The following PRPF18 variants were observed in gnomAD, a reference collection of about 807,000 sequenced individuals.
PRPF18 encodes the protein pre-mRNA processing factor 18.
In PRPF18, 38 loss-of-function variants were observed where a neutral mutation model predicts 46.5. The ratio of observed to expected loss-of-function variants is 0.82; its 90% confidence interval spans 0.63 to 1.07. PRPF18 has a LOEUF of 1.07. Among genes scored for constraint, PRPF18 ranks in the 50% least tolerant of loss-of-function variants. The pLI is 0.00. For synonymous variants in PRPF18, 152 were observed against 146.7 expected (o/e 1.04, Z -0.26); for missense variants, 263 against 410.0 (o/e 0.64, Z 3.10).
chr10:13,629,896 C>G (rs1017854162), intron 9 of PRPF18, among the ~76,000 whole-genome samples: 2 of 152,198 alleles, frequency 1.3e-5, no homozygotes, highest in African/African-American at 2.4e-5. Flanking sequence ...GCTTAATTCT[C>G]TATTGGAACC....
intron 9 of PRPF18, among the ~76,000 whole-genome samples, chr10:13,622,359 G>A (rs1407151157): frequency 6.6e-6 from 1 of 152,222 alleles, no homozygotes; most frequent in Non-Finnish European, 1.5e-5. Flanking sequence ...GGGCCATGCT[G>A]CTTTCTAGCT....
chr10:13,654,509 G>A, the PRPF18 span: 11 of 1,602,816 alleles, frequency 6.9e-6, no homozygotes, highest in East Asian at 2.5e-4. Context: ...TTGAGGTAAG[G>A]CAGCTACATG....
At chr10:13,601,408 T>C (rs961673415) in intron 3 of PRPF18, among the ~76,000 whole-genome samples, 1 of 152,106 alleles carries the variant, frequency 6.6e-6, no homozygotes, top group Admixed American at 6.6e-5. Flanking sequence ...TTAAAGATAA[T>C]CAAGTGATAT....
the PRPF18 span, chr10:13,641,608 A>C: frequency 5.9e-5 from 9 of 152,252 alleles, no homozygotes; most frequent in African/African-American, 1.7e-4. Flanking sequence ...AAAACTACCA[A>C]GGAGATTGAA....
At chr10:13,649,846 G>A in the PRPF18 span, among the ~76,000 whole-genome samples, 1 of 152,168 alleles carries the variant, frequency 6.6e-6, no homozygotes, top group African/African-American at 2.4e-5. Flanking sequence ...TACAAATGGG[G>A]CCACTAAATA....
At chr10:13,615,800 G>GT (rs1201564804) in intron 8 of PRPF18, among the ~76,000 whole-genome samples, 1 of 151,996 alleles carries the variant, frequency 6.6e-6, no homozygotes, top group African/African-American at 2.4e-5. Flanking sequence ...CAGGTAGGGG[G>GT]TGGGGTGGGG....
At chr10:13,654,312 A>G in the PRPF18 span, 1 of 814,664 alleles carries the variant, frequency 1.2e-6, no homozygotes, top group African/African-American at 1.7e-5. Flanking sequence ...CCAGTGATGA[A>G]CCCTCATCAT....
chr10:13,642,058 A>T, the PRPF18 span: 1 of 152,338 alleles, frequency 6.6e-6, no homozygotes, highest in South Asian at 2.1e-4. Flanking sequence ...TGGAGTACGT[A>T]TCGACTTTGC....
At chr10:13,649,565 T>TATTTTTTCCAAATGAAGCTGGAGGA in the PRPF18 span, 1 of 91,132 alleles carries the variant, frequency 1.1e-5, no homozygotes. Context: ...GGAAAAGATG[T>TATTTTTTCCAAATGAAGCTGGAGGA]AAAGATGTAT....
the PRPF18 span, chr10:13,649,675 A>T: frequency 6.6e-6 from 1 of 152,226 alleles, no homozygotes; most frequent in Non-Finnish European, 1.5e-5. Context: ...ATGTTGCTTC[A>T]TGTATTGGTC....
chr10:13,604,987 T>C (rs1330786518), intron 3 of PRPF18, among the ~76,000 whole-genome samples: 2 of 152,338 alleles, frequency 1.3e-5, no homozygotes, highest in East Asian at 1.9e-4. Context: ...AGGTGGTTTA[T>C]ATTAGGGTCT....
At chr10:13,651,907 A>G in the PRPF18 span, 1 of 1,508,636 alleles carries the variant, frequency 6.6e-7, no homozygotes. Context: ...CGGTACCTCT[A>G]TTCATCAGTA....
At chr10:13,603,281 C>T (rs2080140500) in intron 3 of PRPF18, among the ~76,000 whole-genome samples, 1 of 145,946 alleles carries the variant, frequency 6.9e-6, no homozygotes, top group Non-Finnish European at 1.5e-5. Flanking sequence ...GTCTCTGTGT[C>T]ATTTTTTGGG....
chr10:13,620,170 A>T (rs1589134674), intron 9 of PRPF18, among the ~76,000 whole-genome samples: 2 of 152,342 alleles, frequency 1.3e-5, no homozygotes, highest in Middle Eastern at 6.8e-3. Context: ...TTAAAGGATC[A>T]GATAGTAAAT....
chr10:13,590,463 A>G (rs1239134485), intron 1 of PRPF18, among the ~76,000 whole-genome samples: 1 of 147,766 alleles, frequency 6.8e-6, no homozygotes, highest in Non-Finnish European at 1.5e-5. Context: ...ATATATATAT[A>G]TATATATATT....
chr10:13,600,194 T>G, intron 2 of PRPF18, 50 bp from the exon 3 acceptor site: 2 of 1,390,340 alleles, frequency 1.4e-6, no homozygotes. Flanking sequence ...ATGATAAATA[T>G]CAACTATATT....
At chr10:13,588,813 G>C (rs898524374) in intron 1 of PRPF18, among the ~76,000 whole-genome samples, 1 of 152,118 alleles carries the variant, frequency 6.6e-6, no homozygotes, top group African/African-American at 2.4e-5. Flanking sequence ...CAGTAACTTA[G>C]ACCGCTGGTT....
intron 4 of PRPF18, among the ~76,000 whole-genome samples, chr10:13,607,396 G>T (rs949881289): frequency 6.6e-6 from 1 of 152,038 alleles, no homozygotes; most frequent in African/African-American, 2.4e-5. Flanking sequence ...TGAATCTTTT[G>T]CTGAACAGAA....
At chr10:13,592,581 C>CT (rs1415091864) in intron 1 of PRPF18, among the ~76,000 whole-genome samples, 3 of 152,182 alleles carry the variant, frequency 2.0e-5, no homozygotes, top group Non-Finnish European at 4.4e-5. Context: ...AGAGAAGTGA[C>CT]TAAGATATCC....
Sources: gnomAD v4.1 joint callset for allele counts (sites outside exome capture counted in the v4.1 genomes callset) on GRCh38, gnomAD v4.1.1 for gene constraint, MANE v1.5 for transcripts, NCBI Gene and HGNC (gene_info 2026-07-23, HGNC 2026-07-21) for gene names.